The following KATNB1 variants were observed in gnomAD, a reference collection of about 807,000 sequenced individuals.
KATNB1 encodes the protein katanin regulatory subunit B1.
In KATNB1, 38 loss-of-function variants were observed where a neutral mutation model predicts 82.3. The ratio of observed to expected loss-of-function variants is 0.46; its 90% CI spans 0.36 to 0.61. The LOEUF (loss-of-function observed/expected upper bound fraction) is 0.61. Ranked by LOEUF, KATNB1 falls within the 20% of genes least tolerant of loss-of-function variation. The probability of loss-of-function intolerance (pLI) is 0.00; values close to 1 mark genes in which losing one functional copy is unlikely to be tolerated. For synonymous variants in KATNB1, 361 were observed against 368.7 expected, an observed-to-expected ratio of 0.98 and a Z score of 0.24; for missense variants, 749 against 915.7, an observed-to-expected ratio of 0.82 and a Z score of 2.35.
In KATNB1 at chr16:57,757,064, G is replaced by C; in HGVS notation, c.*118G>C. On this transcript the variant is annotated 3_prime_UTR_variant, in exon 20 of 20. Transcript: ENST00000379661. ...TGCCTGGCCCCTGCTGCTGTCCTGT[G>C]GCCGTCCTGGAGGAGGTGATGCTGG... 8.2e-7 allele frequency: 1 copy of C among 1,212,474 alleles called. No individual in the cohort carries two copies. Among genetic ancestry groups the C allele is most frequent in the Non-Finnish European group, 1.1e-6 (1 of 927,676 alleles). The allele number at this position is 1,212,474 out of a possible 1,614,324, so 75.1% of individuals were successfully genotyped here.
At position 57,746,039 on chromosome 16, in the gene KATNB1, G is replaced by T. The variant is rs115994688; in HGVS notation, c.289+1528G>T. ...TGGTCCCACGCCGCAACCTTTCTTG[G>T]TTTTCTCCCTCTTTTTGATGGAGCA... is the stretch of plus-strand genomic sequence containing the variant. On this transcript the variant is annotated intron_variant, in intron 4 of 19. Coordinates refer to ENST00000379661, the MANE Select transcript of KATNB1 (RefSeq NM_005886.3). 3.9e-5 allele frequency among the ~76,000 whole-genome samples: 6 copies of T among 152,034 alleles called. No homozygotes were observed. The South Asian group carries it at 1.2e-3, about 32-fold the overall frequency.
Position 57,751,180 on chromosome 16 carries a change from C to A in KATNB1, c.391-81C>A, listed in dbSNP as rs1376539910. Reference sequence around the variant, plus strand: ...CCTAGAGAAGGCTGGGCCCCACCGTCTGCTCACGACTGCACACCTTCCTCC... The same window carrying A: ...CCTAGAGAAGGCTGGGCCCCACCGTATGCTCACGACTGCACACCTTCCTCC... On this transcript the variant is annotated intron_variant, in intron 5 of 19. Transcript: ENST00000379661. The surrounding 1 kb of genome is among the most constrained non-coding windows in gnomAD (Gnocchi z 6.3). The A allele has an allele frequency of 1.4e-5, 19 of 1,355,746 alleles. No homozygotes were observed. The highest frequency in any genetic ancestry group is 2.0e-5 in the Non-Finnish European group (19 of 946,084). The allele number at this position is 1,355,746 out of a possible 1,614,324, so 84.0% of individuals were successfully genotyped here. A position where few individuals can be genotyped will look rare whatever the true frequency, so the allele number is the denominator to read the frequency against.
At chr16:57,737,336 T>C (rs1417725410) in intron 2 of KATNB1, 53 bp downstream of exon 2, 50 of 1,602,322 alleles carry the variant, frequency 3.1e-5, no homozygotes, top group South Asian at 2.4e-4. Flanking sequence ...TAGCGGCTTG[T>C]TGCTGGGAGG....
In KATNB1 at chr16:57,741,807, A is replaced by G. The variant is rs781861902; in HGVS notation, c.161A>G (p.Asn54Ser). The change falls in exon 3 of 20, where the codon AAC (asparagine) becomes AGC (serine). Residue 54 changes from asparagine (N) to serine (S), a missense_variant. Physicochemically the swap from Asn to Ser is conservative, Grantham distance 46. This residue lies in a region of KATNB1 where 247 missense variants were observed against 349.4 expected (regional missense o/e 0.71). Transcript: ENST00000379661. ...RVNLWSINKP[N>S]CIMSLTGHTS... ...AACCTGTGGTCCATCAACAAGCCCA[A>G]CTGCATCATGGTGAGCCCCGACAGC... The G allele has an allele frequency of 6.3e-5, 101 of 1,613,414 alleles. No homozygotes were observed. The East Asian group carries it at 1.5e-3, about 24-fold the overall frequency.
Position 57,752,512 on chromosome 16 carries a change from G to C in KATNB1, c.633-18G>C, listed in dbSNP as rs2049236572. On this transcript the variant is annotated intron_variant, in intron 8 of 19. Transcript: ENST00000379661. Reference sequence around the variant, plus strand: ...GATGAGGGATAGGCTTCGCAGCACAGCTTGGCTGCCTTTGCAGGACAATCC... The same window carrying C: ...GATGAGGGATAGGCTTCGCAGCACACCTTGGCTGCCTTTGCAGGACAATCC... 2 of 1,557,106 alleles carry C rather than the reference G, an allele frequency of 1.3e-6. No homozygotes were observed. The highest frequency in any genetic ancestry group is 1.2e-5 in the South Asian group (1 of 84,538).
At chr16:57,747,737 C>A (rs2037261347) in intron 4 of KATNB1, among the ~76,000 whole-genome samples, 1 of 152,186 alleles carries the variant, frequency 6.6e-6, no homozygotes, top group Non-Finnish European at 1.5e-5. Context: ...ACCTGAATCC[C>A]AGCGCGTGGG....
chr16:57,752,047 C>T lies in KATNB1; in HGVS notation c.624C>T (p.Ser208=). The T allele has an allele frequency of 6.2e-7, 1 of 1,609,818 alleles. No individual in the cohort carries two copies. Among genetic ancestry groups the T allele is most frequent in the Non-Finnish European group, 8.5e-7 (1 of 1,177,784 alleles). Residue 208 remains serine, a synonymous_variant, in exon 8 of 20, where the codon AGC becomes AGT. Coordinates refer to ENST00000379661, the MANE Select transcript of KATNB1 (RefSeq NM_005886.3). ...HPNEYLLASG[S]SDRTIRFWDL... is the part of the protein sequence containing the mutation. Reference sequence around the variant, plus strand: ...ACGAGTACCTCCTGGCCTCCGGCAGCTCTGACAGGTGAGGAGGAGGAGCGA... The same window carrying T: ...ACGAGTACCTCCTGGCCTCCGGCAGTTCTGACAGGTGAGGAGGAGGAGCGA...
chr16:57,750,952 G>A (rs1453844733), intron 5 of KATNB1, 25 bp downstream of exon 5: 11 of 1,579,076 alleles, frequency 7.0e-6, no homozygotes, highest in African/African-American at 4.0e-5. Context: ...CGTGCCCCGT[G>A]TCTCCTGCTG....
At position 57,751,703 on chromosome 16, in the gene KATNB1, C is replaced by T. The variant is rs537143404; in HGVS notation, c.495C>T (p.Ala165=). 8.1e-6 allele frequency: 13 copies of T among 1,610,464 alleles called. No individual in the cohort carries two copies. The highest frequency in any genetic ancestry group is 3.3e-5 in the Admixed American group (2 of 60,006). The change falls in exon 7 of 20, where the codon GCC becomes GCT. Residue 165 remains alanine (A), a synonymous_variant. Transcript: ENST00000379661. The surrounding 1 kb of genome is among the most constrained non-coding windows in gnomAD (Gnocchi z 6.3). The part of the protein sequence containing the change: ...FSPDGKWLAS[A]ADDHTVKLWD... Reference sequence around the variant, plus strand: ...CCGATGGGAAGTGGTTGGCGTCGGCCGCAGATGACCACACCGTGAAGGTAG... The same window carrying T: ...CCGATGGGAAGTGGTTGGCGTCGGCTGCAGATGACCACACCGTGAAGGTAG...
chr16:57,752,767 G>A lies in KATNB1; in HGVS notation c.705-11G>A, dbSNP rs575984828. 1.4e-5 allele frequency: 22 copies of A among 1,607,590 alleles called. No individual in the cohort carries two copies. In the South Asian group the frequency reaches 1.8e-4, roughly 13 times the overall value. On this transcript the variant is annotated splice_polypyrimidine_tract_variant and intron_variant, in intron 9 of 19. Transcript: ENST00000379661. ...GCCACAGGACCCACGGCCATCTCTC[G>A]CCTGGCCCAGGAGCGTCCTCTTCAA... is the stretch of plus-strand genomic sequence containing the variant.
intron 4 of KATNB1, among the ~76,000 whole-genome samples, chr16:57,750,379 C>G (rs142770496): frequency 6.6e-6 from 1 of 152,290 alleles, no homozygotes; most frequent in East Asian, 1.9e-4. Context: ...CCTGTAATAC[C>G]AGCGCTTTGG....
intron 3 of KATNB1, among the ~76,000 whole-genome samples, chr16:57,743,715 C>G (rs2049160356): frequency 6.6e-6 from 1 of 152,264 alleles, no homozygotes; most frequent in South Asian, 2.1e-4. Context: ...TGCCTCCAGC[C>G]TGCCGGGGTC....
chr16:57,746,312 A>G (rs978058254), intron 4 of KATNB1, among the ~76,000 whole-genome samples: 6 of 152,146 alleles, frequency 3.9e-5, no homozygotes, highest in Non-Finnish European at 8.8e-5. Context: ...GATCCTTCAC[A>G]GGGGACTGGC....
Position 57,756,815 on chromosome 16 carries a change from C to T in KATNB1, c.1837C>T (p.Leu613=). 1.3e-6 allele frequency: 2 copies of T among 1,567,324 alleles called. No homozygotes were observed. The highest frequency in any genetic ancestry group is 1.7e-6 in the Non-Finnish European group (2 of 1,154,046). The change falls in exon 20 of 20, where the codon CTG becomes TTG. Residue 613 remains leucine (L), a splice_region_variant and synonymous_variant. Coordinates refer to ENST00000379661, the MANE Select transcript of KATNB1 (RefSeq NM_005886.3). The stretch of plus-strand genomic sequence containing the variant: ...CCTCAGGCACTGCCCTCTCTACAGG[C>T]TGCATAAGTGCCGGCTCTGCTACAA... ...VGVDISREER[L]HKCRLCYKQL...
In KATNB1 at chr16:57,741,418, A is replaced by G. The variant is rs2967149; in HGVS notation, c.41-269A>G. On this transcript the variant is annotated intron_variant, in intron 2 of 19. Transcript: ENST00000379661. ...TAACTAGTCAATATTACCAGGTGAT[A>G]TGCAGAAACAGGAAGAAAATCGTGA... Among the ~76,000 whole-genome samples the G allele has an allele frequency of 0.97, 147,457 of 152,380 alleles. 71,595 individuals carry two copies. Among genetic ancestry groups the G allele is most frequent in the African/African-American group, 0.99 (41,281 of 41,592 alleles).
Position 57,754,810 on chromosome 16 carries a change from T to TC in KATNB1, c.1229-115dup, listed in dbSNP as rs1190256863. On this transcript the variant is annotated intron_variant, in intron 13 of 19. Coordinates refer to ENST00000379661, the MANE Select transcript of KATNB1 (RefSeq NM_005886.3). Reference sequence around the variant, plus strand: ...ACCCCCACGCCACTGGCCTGCAGCCTCCCCCATGCTCCTGCTCCATCCCCC... The same window carrying TC: ...ACCCCCACGCCACTGGCCTGCAGCCTCCCCCCATGCTCCTGCTCCATCCCCC... 1.4e-5 allele frequency: 14 copies of TC among 1,024,088 alleles called. No homozygotes were observed. The East Asian group carries it at 3.3e-4, about 24-fold the overall frequency. The allele number at this position is 1,024,088 out of a possible 1,614,324, so 63.4% of individuals were successfully genotyped here. A position where few individuals can be genotyped will look rare whatever the true frequency, so the allele number is the denominator to read the frequency against.
At chr16:57,756,593 T>G in intron 19 of KATNB1, 121 bp downstream of exon 19, 1 of 1,181,610 alleles carries the variant, frequency 8.5e-7, no homozygotes, top group East Asian at 2.4e-5. Flanking sequence ...GAGGCGTTGG[T>G]CTGGGGCCAT....
intron 2 of KATNB1, among the ~76,000 whole-genome samples, chr16:57,740,095 C>G (rs954324276): frequency 2.6e-5 from 4 of 152,206 alleles, no homozygotes; most frequent in African/African-American, 9.6e-5. Context: ...ACAGACACGT[C>G]TGTGGCTGGA....
At chr16:57,745,707 T>C (rs1463481188) in intron 4 of KATNB1, among the ~76,000 whole-genome samples, 1 of 152,060 alleles carries the variant, frequency 6.6e-6, no homozygotes. Flanking sequence ...CAATAGGTGG[T>C]GTTTATAATG....
Sources: gnomAD v4.1 joint callset for allele counts (sites outside exome capture counted in the v4.1 genomes callset) on GRCh38, gnomAD v4.1.1 for gene constraint, gnomAD v4.1.1 regional missense constraint, Gnocchi (gnomAD v3.1) non-coding constraint, MANE v1.5 for transcripts, NCBI Gene and HGNC (gene_info 2026-07-23, HGNC 2026-07-21) for gene names.